Variants in RGS7 observed in about 807,000 individuals in gnomAD.
The protein encoded by RGS7 is regulator of G-protein signaling 7.
A neutral mutation model predicts 81.1 loss-of-function variants in RGS7; 27 were observed. The observed-to-expected ratio is 0.33, with a 90% CI of 0.25 to 0.46. The LOEUF is 0.46. Among genes scored for constraint, RGS7 ranks in the 20% least tolerant of loss-of-function variants. The pLI is 1.00. For missense variants in RGS7, 396 were observed against 607.4 expected (o/e 0.65, Z 3.66); for synonymous variants, 208 against 207.7 (o/e 1.00, Z -0.01).
At chr1:240,896,379 A>G (rs1261088470) in intron 6 of RGS7, among the ~76,000 whole-genome samples, 1 of 152,178 alleles carries the variant, frequency 6.6e-6, no homozygotes, top group Non-Finnish European at 1.5e-5. Context: ...CCTGAATGGT[A>G]TTGCCCAGGA....
intron 13 of RGS7, among the ~76,000 whole-genome samples, chr1:240,813,199 G>A (rs1045895276): frequency 5.9e-5 from 9 of 152,192 alleles, no homozygotes; most frequent in Admixed American, 2.0e-4. Flanking sequence ...TCTATGGTAA[G>A]CTCATTCTGT....
intron 3 of RGS7, among the ~76,000 whole-genome samples, chr1:241,082,671 A>T (rs769891411): frequency 1.3e-5 from 2 of 152,228 alleles, no homozygotes; most frequent in Non-Finnish European, 2.9e-5. Flanking sequence ...TCGAAATTAC[A>T]GTTAACAATA....
chr1:241,176,139 C>T (rs532178359), intron 2 of RGS7, among the ~76,000 whole-genome samples: 1 of 152,256 alleles, frequency 6.6e-6, no homozygotes, highest in Admixed American at 6.5e-5. Context: ...GCAGATGCAG[C>T]CTGCTCCCAG....
At chr1:240,915,460 C>T (rs889883557) in intron 6 of RGS7, among the ~76,000 whole-genome samples, 2 of 152,064 alleles carry the variant, frequency 1.3e-5, no homozygotes, top group African/African-American at 2.4e-5. Flanking sequence ...ATGAACGCAA[C>T]GGAAAGAACT....
intron 3 of RGS7, among the ~76,000 whole-genome samples, chr1:241,039,649 C>G (rs183013463): frequency 6.6e-6 from 1 of 152,030 alleles, no homozygotes; most frequent in African/African-American, 2.4e-5. Flanking sequence ...AACCGAGTTT[C>G]AACACTTGGA....
chr1:241,163,984 CAA>C lies in RGS7; in HGVS notation c.79-65224_79-65223del, dbSNP rs911205941. On this transcript the variant is annotated intron_variant, in intron 2 of 18. Coordinates refer to ENST00000440928, the MANE Select transcript of RGS7 (RefSeq NM_001364886.1). The surrounding 1 kb of genome is among the most constrained non-coding windows in gnomAD (Gnocchi z 4.6). ...TGCCCCTTGCTTCTGACGCGAATTA[CAA>C]GTCCCAGTTTATTTCACCTGTGCTT... is the stretch of plus-strand genomic sequence containing the variant. Among the ~76,000 whole-genome samples the C allele has an allele frequency of 6.6e-6, 1 of 152,168 alleles. No homozygotes were observed. Among genetic ancestry groups the C allele is most frequent in the African/African-American group, 2.4e-5 (1 of 41,452 alleles).
intron 2 of RGS7, among the ~76,000 whole-genome samples, chr1:241,260,666 C>T (rs2077282701): frequency 6.6e-6 from 1 of 152,056 alleles, no homozygotes. Context: ...ATCTACTTTA[C>T]AAGTACACAT....
chr1:240,899,301 T>C (rs1016440049), intron 6 of RGS7, among the ~76,000 whole-genome samples: 4 of 152,186 alleles, frequency 2.6e-5, no homozygotes, highest in Non-Finnish European at 5.9e-5. Context: ...GTTAATATTG[T>C]TATGTGTGAA....
intron 9 of RGS7, among the ~76,000 whole-genome samples, chr1:240,864,577 C>A (rs1662879464): frequency 6.6e-6 from 1 of 152,142 alleles, no homozygotes; most frequent in Non-Finnish European, 1.5e-5. Context: ...TGCGTTCCTG[C>A]ACCTAGAGGA....
At chr1:240,780,775 G>C (rs1211770914) in intron 18 of RGS7, among the ~76,000 whole-genome samples, 1 of 151,686 alleles carries the variant, frequency 6.6e-6, no homozygotes, top group African/African-American at 2.4e-5. Flanking sequence ...TTAGCTGGGC[G>C]TGGTGGTGCG....
At chr1:241,155,569 GAA>G (rs1558136193) in intron 2 of RGS7, among the ~76,000 whole-genome samples, 1 of 84,592 alleles carries the variant, frequency 1.2e-5, no homozygotes, top group Non-Finnish European at 2.1e-5. Context: ...ATGCTCACTT[GAA>G]AAAAAGAAAA....
intron 9 of RGS7, among the ~76,000 whole-genome samples, chr1:240,866,826 C>G (rs955054034): frequency 6.6e-6 from 1 of 152,106 alleles, no homozygotes; most frequent in Non-Finnish European, 1.5e-5. Context: ...GCATGAGAGT[C>G]TCAGAGCATG....
chr1:241,156,522 A>C (rs1014867539), intron 2 of RGS7, among the ~76,000 whole-genome samples: 1 of 149,738 alleles, frequency 6.7e-6, no homozygotes, highest in South Asian at 2.2e-4. Context: ...AAGAAAAAAA[A>C]GAAAGATAGA....
At chr1:241,314,147 C>T (rs2080723882) in intron 2 of RGS7, among the ~76,000 whole-genome samples, 1 of 152,230 alleles carries the variant, frequency 6.6e-6, no homozygotes, top group Non-Finnish European at 1.5e-5. Flanking sequence ...TAGGGCCTGA[C>T]AGAATTGACT....
At chr1:241,061,896 C>A (rs2061759033) in intron 3 of RGS7, among the ~76,000 whole-genome samples, 1 of 152,200 alleles carries the variant, frequency 6.6e-6, no homozygotes, top group Non-Finnish European at 1.5e-5. Flanking sequence ...GTCTGTACCT[C>A]CCAAGAGGTC....
chr1:241,075,100 G>A (rs1171649780), intron 3 of RGS7, among the ~76,000 whole-genome samples: 1 of 152,040 alleles, frequency 6.6e-6, no homozygotes, highest in East Asian at 1.9e-4. Context: ...TTTATTTTTA[G>A]CTTTATGATA....
chr1:241,119,156 T>C lies in RGS7; in HGVS notation c.79-20394A>G, dbSNP rs59003298. ...ACTTCATTAAAATGATAATAATAAGTACATTACATGGTAACATGAATATCT... is the reference window on the plus strand; with the variant it reads ...ACTTCATTAAAATGATAATAATAAGCACATTACATGGTAACATGAATATCT... On this transcript the variant is annotated intron_variant, in intron 2 of 18. Coordinates refer to ENST00000440928, the MANE Select transcript of RGS7 (RefSeq NM_001364886.1). 9.2e-3 allele frequency among the ~76,000 whole-genome samples: 1,406 copies of C among 152,320 alleles called. 27 individuals carry two copies. The highest frequency in any genetic ancestry group is 0.032 in the African/African-American group (1,318 of 41,578).
At chr1:241,148,451 T>C (rs1034994224) in intron 2 of RGS7, among the ~76,000 whole-genome samples, 5 of 152,256 alleles carry the variant, frequency 3.3e-5, no homozygotes, top group African/African-American at 1.2e-4. Flanking sequence ...TTTGTTTCCT[T>C]ATGTATGTCT....
intron 2 of RGS7, among the ~76,000 whole-genome samples, chr1:241,315,107 C>CTTTTTTTTTTTTTTTTTTT (rs5782184): frequency 3.5e-5 from 2 of 57,442 alleles, no homozygotes; most frequent in South Asian, 9.3e-4. Flanking sequence ...TCTTCTTCTT[C>CTTTTTTTTTTTTTTTTTTT]TTTTTTTTTT....
Sources: gnomAD v4.1 joint callset for allele counts (sites outside exome capture counted in the v4.1 genomes callset) on GRCh38, gnomAD v4.1.1 for gene constraint, Gnocchi (gnomAD v3.1) non-coding constraint, MANE v1.5 for transcripts, NCBI Gene and HGNC (gene_info 2026-07-23, HGNC 2026-07-21) for gene names.